The following ZNF536 variants were observed in gnomAD, a reference collection of about 807,000 sequenced individuals.
ZNF536 encodes zinc finger protein 536.
Under a neutral mutation model 84.5 loss-of-function variants are expected in ZNF536, and 13 were observed. The observed-to-expected ratio is 0.15, with a 90% CI of 0.10 to 0.24. ZNF536 has a LOEUF of 0.24. Ranked by LOEUF, ZNF536 falls within the 10% of genes least tolerant of loss-of-function variation. The probability of loss-of-function intolerance (pLI) is 1.00; values close to 1 mark genes in which losing one functional copy is unlikely to be tolerated. For synonymous variants in ZNF536, 811 were observed against 742.5 expected (o/e 1.09, Z -1.50); for missense variants, 1,536 against 1,747.5 (o/e 0.88, Z 2.16).
At chr19:30,483,959 A>G (rs1466483256) in intron 2 of ZNF536, among the ~76,000 whole-genome samples, 2 of 151,708 alleles carry the variant, frequency 1.3e-5, no homozygotes, top group Non-Finnish European at 2.9e-5. Flanking sequence ...AGCTCTCTCT[A>G]CTGGAAATCC....
intron 2 of ZNF536, among the ~76,000 whole-genome samples, chr19:30,496,231 A>G (rs1409362372): frequency 6.6e-6 from 1 of 152,134 alleles, no homozygotes; most frequent in East Asian, 1.9e-4. Context: ...CAGTCCCTAC[A>G]AACTTTCTGT....
intron 1 of ZNF536, among the ~76,000 whole-genome samples, chr19:30,690,220 C>T (rs1192241932): frequency 6.6e-6 from 1 of 152,146 alleles, no homozygotes; most frequent in African/African-American, 2.4e-5. Context: ...TAATATTGGT[C>T]CACCATCCTA....
chr19:30,602,047 C>G (rs12459020), intron 1 of ZNF536, among the ~76,000 whole-genome samples: 3,265 of 152,344 alleles, frequency 0.021, 119 homozygotes, highest in Admixed American at 0.091. Context: ...GCTGTGCACA[C>G]TGCAAACTTC....
rs1237636345 is a variant in ZNF536 at position 30,448,820 on chromosome 19, G to A, written c.2170+3088G>A. ...GTAATTCTTTGCAAAGAAGGATTGG[G>A]AACGGAGTGGCTGTTTAAAAATGTC... On this transcript the variant is annotated intron_variant, in intron 2 of 4. Transcript: ENST00000355537. 2.6e-5 allele frequency among the ~76,000 whole-genome samples: 4 copies of A among 152,308 alleles called. No individual in the cohort carries two copies. The East Asian group carries it at 7.7e-4, about 29-fold the overall frequency.
intron 2 of ZNF536, among the ~76,000 whole-genome samples, chr19:30,294,968 C>A (rs776679528): frequency 6.6e-6 from 1 of 152,150 alleles, no homozygotes; most frequent in Non-Finnish European, 1.5e-5. Context: ...GAGCCTCAGG[C>A]CATTGCAGCT....
chr19:30,697,290 A>G (rs2051702587), intron 1 of ZNF536, among the ~76,000 whole-genome samples: 1 of 152,182 alleles, frequency 6.6e-6, no homozygotes, highest in Non-Finnish European at 1.5e-5. Flanking sequence ...TCAAGTTGAG[A>G]TTTGGATGGG....
intron 1 of ZNF536, among the ~76,000 whole-genome samples, chr19:30,438,160 A>G (rs138757752): frequency 6.6e-6 from 1 of 152,174 alleles, no homozygotes; most frequent in Admixed American, 6.5e-5. Flanking sequence ...ATATTGCATA[A>G]TGCTGGGGAT....
intron 1 of ZNF536, among the ~76,000 whole-genome samples, chr19:30,682,729 G>A (rs933905150): frequency 3.3e-5 from 5 of 152,202 alleles, no homozygotes; most frequent in Middle Eastern, 3.4e-3. Context: ...GATGAAGAAC[G>A]GGGTGGTGGC....
chr19:30,306,979 G>A (rs1022887561), intron 2 of ZNF536, among the ~76,000 whole-genome samples: 1 of 152,000 alleles, frequency 6.6e-6, no homozygotes, highest in Non-Finnish European at 1.5e-5. Flanking sequence ...GGAACCGACA[G>A]AAAAAATTAT....
chr19:30,704,861 A>C (rs989112390), intron 1 of ZNF536, among the ~76,000 whole-genome samples: 1 of 151,336 alleles, frequency 6.6e-6, no homozygotes, highest in African/African-American at 2.4e-5. Flanking sequence ...TGCTGCCTTC[A>C]GGAGGGTCTC....
chr19:30,451,946 A>G (rs1485713549), intron 2 of ZNF536, among the ~76,000 whole-genome samples: 3 of 152,236 alleles, frequency 2.0e-5, no homozygotes, highest in Admixed American at 6.5e-5. Context: ...TAAGCGGTCA[A>G]TTTTCAAAAC....
At chr19:30,341,261 T>C (rs2047556009) in intron 2 of ZNF536, among the ~76,000 whole-genome samples, 1 of 152,190 alleles carries the variant, frequency 6.6e-6, no homozygotes, top group Non-Finnish European at 1.5e-5. Flanking sequence ...ATTTAGATAA[T>C]TGGCAAGGAA....
intron 1 of ZNF536, among the ~76,000 whole-genome samples, chr19:30,698,239 C>A (rs994103243): frequency 6.6e-6 from 1 of 151,782 alleles, no homozygotes; most frequent in African/African-American, 2.4e-5. Context: ...CTGCAGTGAA[C>A]TGAGACTGCG....
rs868228448 is a variant in ZNF536, at chr19:30,432,363, G to A, written c.-2-11198G>A. Among the ~76,000 whole-genome samples the A allele has an allele frequency of 3.9e-5, 6 of 152,242 alleles. No homozygotes were observed. In the Middle Eastern group the frequency reaches 0.01, roughly 259 times the overall value. ...GGGATTCTCTATGAGCTGCAGACAG[G>A]AGGCTGGTAACCCACCTACTCTCAC... On this transcript the variant is annotated intron_variant, in intron 1 of 4. Transcript: ENST00000355537.
At chr19:30,691,940 C>A (rs909348463) in intron 1 of ZNF536, among the ~76,000 whole-genome samples, 3 of 152,182 alleles carry the variant, frequency 2.0e-5, no homozygotes, top group Admixed American at 6.5e-5. Context: ...ATCACCCCTG[C>A]CTGCAGCCTC....
chr19:30,482,562 T>G (rs1363380890), intron 2 of ZNF536, among the ~76,000 whole-genome samples: 1 of 151,998 alleles, frequency 6.6e-6, no homozygotes, highest in African/African-American at 2.4e-5. Flanking sequence ...TTTTTCTGCC[T>G]TAACTAATTC....
At chr19:30,635,550 G>C (rs1600104445) in intron 1 of ZNF536, among the ~76,000 whole-genome samples, 1 of 152,302 alleles carries the variant, frequency 6.6e-6, no homozygotes, top group East Asian at 1.9e-4. Context: ...CTGGCCAGGA[G>C]CAAGGGCTGC....
At chr19:30,315,717 A>T (rs1331827018) in intron 2 of ZNF536, among the ~76,000 whole-genome samples, 1 of 152,234 alleles carries the variant, frequency 6.6e-6, no homozygotes, top group East Asian at 1.9e-4. Context: ...TCCTTCTCCC[A>T]TCGATGGAGA....
At chr19:30,601,594 G>C (rs1371078354) in intron 1 of ZNF536, among the ~76,000 whole-genome samples, 1 of 152,184 alleles carries the variant, frequency 6.6e-6, no homozygotes, top group Non-Finnish European at 1.5e-5. Context: ...CAGCTCCTCA[G>C]ATGGGCCCCT....
Sources: gnomAD v4.1 joint callset for allele counts (sites outside exome capture counted in the v4.1 genomes callset) on GRCh38, gnomAD v4.1.1 for gene constraint, MANE v1.5 for transcripts, NCBI Gene and HGNC (gene_info 2026-07-23, HGNC 2026-07-21) for gene names.